NCR1: variants seen among roughly 807,000 people sequenced by gnomAD.
NCR1 encodes the protein NK cell-activating receptor.
Under a neutral mutation model 32.5 loss-of-function variants are expected in NCR1, and 30 were observed. The ratio of observed to expected loss-of-function variants is 0.92; its 90% CI spans 0.69 to 1.25. NCR1 has a LOEUF of 1.25. Ranked by LOEUF, NCR1 falls within the 50% of genes most tolerant of loss-of-function variation. NCR1 has a pLI of 0.00. For missense variants in NCR1, 369 were observed against 380.7 expected (o/e 0.97, Z 0.26); for synonymous variants, 169 against 143.4 (o/e 1.18, Z -1.28).
upstream of NCR1, among the ~76,000 whole-genome samples, chr19:54,903,439 CATGTATGTATATACATAT>C (rs1459423629): frequency 4.3e-4 from 50 of 115,474 alleles, no homozygotes; most frequent in East Asian, 1.1e-3. Context: ...TACACGCATA[CATGTATGTATATACATAT>C]ATGTATGTAT....
At chr19:54,902,991 G>A (rs2067327387), upstream of NCR1, among the ~76,000 whole-genome samples, 1 of 152,076 alleles carries the variant, frequency 6.6e-6, no homozygotes, top group Non-Finnish European at 1.5e-5. Context: ...TTAGTCGAGT[G>A]TGGTGGCACA....
chr19:54,929,280 G>A, the NCR1 span, among the ~76,000 whole-genome samples: 4 of 151,964 alleles, frequency 2.6e-5, no homozygotes, highest in South Asian at 6.2e-4. Context: ...CAGGAGAATC[G>A]CTTGAACCTT....
chr19:54,921,879 T>G, the NCR1 span, among the ~76,000 whole-genome samples: 1 of 149,498 alleles, frequency 6.7e-6, no homozygotes, highest in African/African-American at 2.5e-5. Flanking sequence ...CATGACAACT[T>G]TCCCCATATC....
chr19:54,914,412 C>A (rs2068090772), downstream of NCR1, among the ~76,000 whole-genome samples: 1 of 152,090 alleles, frequency 6.6e-6, no homozygotes, highest in South Asian at 2.1e-4. Context: ...AATCTTGGCT[C>A]ACTGCCACCT....
chr19:54,929,886 G>A, the NCR1 span, among the ~76,000 whole-genome samples: 2 of 151,906 alleles, frequency 1.3e-5, no homozygotes, highest in Non-Finnish European at 1.5e-5. Context: ...AGGCCAAGGC[G>A]GGCAGATCAT....
intron 6 of NCR1, 65 bp downstream of exon 6, chr19:54,912,283 G>A (rs2068012870): frequency 1.3e-6 from 2 of 1,507,010 alleles, no homozygotes; most frequent in Non-Finnish European, 9.2e-7. Context: ...GACCTAGGAA[G>A]GGAATCTAAA....
At chr19:54,904,513 G>A (rs139214945), upstream of NCR1, among the ~76,000 whole-genome samples, 6,749 of 147,628 alleles carry the variant, frequency 0.046, 197 homozygotes, top group Middle Eastern at 0.096. Context: ...GAGAACATGT[G>A]GTATTTGGTT....
the NCR1 span, among the ~76,000 whole-genome samples, chr19:54,936,691 G>C: frequency 6.6e-6 from 1 of 152,076 alleles, no homozygotes; most frequent in African/African-American, 2.4e-5. Flanking sequence ...GAGGCAGGCA[G>C]ATCGCCTGAG....
chr19:54,930,007 C>CA, the NCR1 span, among the ~76,000 whole-genome samples: 1 of 149,586 alleles, frequency 6.7e-6, no homozygotes, highest in Non-Finnish European at 1.5e-5. Context: ...CCCAGCTACT[C>CA]AGGAGGCTGA....
At chr19:54,913,603 A>C (rs893645531), downstream of NCR1, among the ~76,000 whole-genome samples, 2 of 152,172 alleles carry the variant, frequency 1.3e-5, no homozygotes, top group African/African-American at 4.8e-5. Flanking sequence ...TTCAGGAGGC[A>C]TTGTGGCAAC....
At chr19:54,934,399 A>C in the NCR1 span, 1 of 1,336,254 alleles carries the variant, frequency 7.5e-7, no homozygotes, top group Non-Finnish European at 1.1e-6. The surrounding 1 kb of genome is among the most constrained non-coding windows in gnomAD (Gnocchi z 6.7). Flanking sequence ...AAGAGGCGCC[A>C]CGTGGGTGGC....
chr19:54,906,115 C>G, upstream of NCR1: 1 of 1,597,422 alleles, frequency 6.3e-7, no homozygotes, highest in Admixed American at 1.7e-5. Flanking sequence ...CCCACCACTT[C>G]CTGTGTATCT....
At chr19:54,899,196 G>C in the NCR1 span, among the ~76,000 whole-genome samples, 1 of 152,188 alleles carries the variant, frequency 6.6e-6, no homozygotes, top group Admixed American at 6.5e-5. Context: ...TTTAGATCTT[G>C]TAGGATGGAA....
In NCR1 at chr19:54,911,931, A is replaced by G. The variant is rs2067996707; in HGVS notation, c.683-237A>G. On this transcript the variant is annotated intron_variant, in intron 5 of 6. Coordinates refer to ENST00000291890, the MANE Select transcript of NCR1 (RefSeq NM_004829.7). Reference sequence around the variant, plus strand: ...AGACTCTATCTCAAAAAAAAAAAAAATAGAAGACATGACTGGTGCAAAGAC... The same window carrying G: ...AGACTCTATCTCAAAAAAAAAAAAAGTAGAAGACATGACTGGTGCAAAGAC... Among the ~76,000 whole-genome samples, 3 of 151,908 alleles carry G rather than the reference A, an allele frequency of 2.0e-5. No homozygotes were observed. The South Asian group carries it at 6.2e-4, about 32-fold the overall frequency.
At chr19:54,935,625 G>A in the NCR1 span, among the ~76,000 whole-genome samples, 8,758 of 151,802 alleles carry the variant, frequency 0.058, 610 homozygotes, top group African/African-American at 0.17. Context: ...CCCAGGAGGC[G>A]GAGGTTGCAG....
the NCR1 span, chr19:54,938,163 G>A: frequency 5.0e-6 from 8 of 1,613,962 alleles, no homozygotes; most frequent in African/African-American, 2.7e-5. Flanking sequence ...TTGAGCTGAA[G>A]AGAGAGCAGA....
the NCR1 span, among the ~76,000 whole-genome samples, chr19:54,934,887 GGATT>G: frequency 6.6e-6 from 1 of 152,044 alleles, no homozygotes; most frequent in Non-Finnish European, 1.5e-5. The surrounding 1 kb of genome is among the most constrained non-coding windows in gnomAD (Gnocchi z 6.7). Flanking sequence ...AGTAGAGACG[GGATT>G]TCACCATGTT....
chr19:54,923,188 G>A, the NCR1 span, among the ~76,000 whole-genome samples: 832 of 152,320 alleles, frequency 5.5e-3, 10 homozygotes, highest in African/African-American at 0.019. Context: ...CAGGCCCTGC[G>A]CTGCTTCCAT....
At chr19:54,920,399 T>G (rs1201174460), downstream of NCR1, among the ~76,000 whole-genome samples, 1 of 152,184 alleles carries the variant, frequency 6.6e-6, no homozygotes, top group Non-Finnish European at 1.5e-5. Flanking sequence ...ACGGACTGAA[T>G]TGGTCCCACC....
Sources: gnomAD v4.1 joint callset for allele counts (sites outside exome capture counted in the v4.1 genomes callset) on GRCh38, gnomAD v4.1.1 for gene constraint, Gnocchi (gnomAD v3.1) non-coding constraint, MANE v1.5 for transcripts, NCBI Gene and HGNC (gene_info 2026-07-23, HGNC 2026-07-21) for gene names.